Variants in TRDN observed in about 807,000 individuals in gnomAD.
The protein encoded by TRDN is triadin in skeletal muscle.
TRDN carries 161 observed loss-of-function variants against 149.7 expected under a neutral mutation model. The ratio of observed to expected loss-of-function variants is 1.08; its 90% CI spans 0.95 to 1.23. The LOEUF (loss-of-function observed/expected upper bound fraction) is 1.23. Among genes scored for constraint, TRDN ranks in the 50% most tolerant of loss-of-function variants. TRDN has a pLI of 0.00. For synonymous variants in TRDN, 294 were observed against 250.5 expected (o/e 1.17, Z -1.64); for missense variants, 896 against 823.5 (o/e 1.09, Z -1.08).
intron 1 of TRDN, among the ~76,000 whole-genome samples, chr6:123,606,675 C>G (rs904238668): frequency 2.6e-5 from 4 of 151,874 alleles, no homozygotes; most frequent in Admixed American, 1.3e-4. Context: ...ATTTAATAAC[C>G]CATTTTTAAT....
At chr6:123,542,663 A>C (rs537804214) in intron 4 of TRDN, among the ~76,000 whole-genome samples, 1 of 152,328 alleles carries the variant, frequency 6.6e-6, no homozygotes, top group Admixed American at 6.5e-5. Context: ...TAAAAGTGTT[A>C]ATACCAGTAT....
intron 1 of TRDN, among the ~76,000 whole-genome samples, chr6:123,610,265 C>A (rs923704326): frequency 2.0e-5 from 3 of 152,122 alleles, no homozygotes; most frequent in Non-Finnish European, 2.9e-5. Flanking sequence ...CATGGCTCAG[C>A]CATAGTAATG....
intron 22 of TRDN, among the ~76,000 whole-genome samples, chr6:123,332,203 G>T (rs1314456653): frequency 6.6e-6 from 1 of 151,950 alleles, no homozygotes. Flanking sequence ...GGATGGATAG[G>T]ACCTTATTTA....
chr6:123,350,036 C>T, intron 21 of TRDN: 1 of 984,868 alleles, frequency 1.0e-6, no homozygotes, highest in Non-Finnish European at 1.2e-6. Context: ...TAATTTAAGG[C>T]AAAGTTGAAT....
intron 10 of TRDN, chr6:123,462,907 T>C (rs1350575410): frequency 2.0e-5 from 3 of 152,152 alleles, no homozygotes; most frequent in Non-Finnish European, 4.4e-5. Flanking sequence ...CCTGATAATA[T>C]AGACTCCCCG....
chr6:123,347,606 T>C (rs988280623), intron 21 of TRDN, among the ~76,000 whole-genome samples: 4 of 152,118 alleles, frequency 2.6e-5, no homozygotes, highest in African/African-American at 9.7e-5. Context: ...TAAGGTATTT[T>C]CATTTTATAA....
chr6:123,336,988 A>C (rs1274691265), intron 22 of TRDN, among the ~76,000 whole-genome samples: 1 of 151,944 alleles, frequency 6.6e-6, no homozygotes, highest in Non-Finnish European at 1.5e-5. Flanking sequence ...CATTATTCTT[A>C]GGATCAGTTT....
intron 23 of TRDN, among the ~76,000 whole-genome samples, chr6:123,323,084 C>T (rs1779315636): frequency 6.6e-6 from 1 of 152,074 alleles, no homozygotes; most frequent in Admixed American, 6.6e-5. Flanking sequence ...AATTAAAATG[C>T]TGTTTCAAAA....
At chr6:123,553,036 C>T (rs530056043) in intron 2 of TRDN, among the ~76,000 whole-genome samples, 18 of 152,228 alleles carry the variant, frequency 1.2e-4, no homozygotes, top group South Asian at 1.0e-3. Flanking sequence ...GGATCTTATG[C>T]GTAATACATG....
intron 10 of TRDN, among the ~76,000 whole-genome samples, chr6:123,443,711 G>A (rs1207232375): frequency 6.6e-6 from 1 of 150,710 alleles, no homozygotes; most frequent in African/African-American, 2.5e-5. Context: ...GTGTAAGGAA[G>A]GCATCTAGTT....
chr6:123,537,942 C>G (rs1780633122), intron 4 of TRDN, among the ~76,000 whole-genome samples: 1 of 152,186 alleles, frequency 6.6e-6, no homozygotes, highest in South Asian at 2.1e-4. Context: ...CTAAGACTTA[C>G]ATGGCCAGTT....
intron 7 of TRDN, among the ~76,000 whole-genome samples, chr6:123,510,870 C>T (rs554558132): frequency 3.3e-5 from 5 of 152,102 alleles, no homozygotes; most frequent in African/African-American, 1.2e-4. Context: ...TTTTGAATTC[C>T]TGACCTCAAG....
Position 123,403,093 on chromosome 6 carries a change from G to A in TRDN, c.1052-9416C>T, listed in dbSNP as rs138428665. Among the ~76,000 whole-genome samples the A allele has an allele frequency of 1.2e-3, 183 of 152,218 alleles. 1 individual carries two copies. Among genetic ancestry groups the A allele is most frequent in the African/African-American group, 4.0e-3 (167 of 41,542 alleles). On this transcript the variant is annotated intron_variant, in intron 12 of 40. Coordinates refer to ENST00000334268, the MANE Select transcript of TRDN (RefSeq NM_006073.4). ...AAGAGCGTGAACAATTTTTCCCAGAGACAGATGAACAGAAGGCTTCAGACT... is the reference window on the plus strand; with the variant it reads ...AAGAGCGTGAACAATTTTTCCCAGAAACAGATGAACAGAAGGCTTCAGACT...
intron 1 of TRDN, among the ~76,000 whole-genome samples, chr6:123,625,795 A>C (rs2114725378): frequency 6.6e-6 from 1 of 152,298 alleles, no homozygotes; most frequent in South Asian, 2.1e-4. Flanking sequence ...CAATCATGTG[A>C]GCCTTCAGTG....
intron 23 of TRDN, among the ~76,000 whole-genome samples, chr6:123,321,998 T>C (rs1341128337): frequency 6.6e-6 from 1 of 152,188 alleles, no homozygotes. Context: ...TGCTACTACA[T>C]AGCTTTTCAT....
chr6:123,478,199 A>T (rs1261985850), intron 9 of TRDN, among the ~76,000 whole-genome samples: 2 of 152,190 alleles, frequency 1.3e-5, no homozygotes, highest in Admixed American at 6.5e-5. Flanking sequence ...GTTACCATAA[A>T]TGACTCATAA....
chr6:123,246,513 C>A (rs994335953), intron 38 of TRDN, among the ~76,000 whole-genome samples: 2 of 151,984 alleles, frequency 1.3e-5, no homozygotes, highest in African/African-American at 2.4e-5. Context: ...GACACATACA[C>A]CCTCCCAAGA....
intron 1 of TRDN, among the ~76,000 whole-genome samples, chr6:123,586,014 G>A (rs868136723): frequency 1.4e-4 from 21 of 152,124 alleles, no homozygotes; most frequent in South Asian, 6.2e-4. Flanking sequence ...AGAATAAGAC[G>A]GCCTTTTGAC....
intron 7 of TRDN, among the ~76,000 whole-genome samples, chr6:123,504,201 A>G (rs765973384): frequency 5.3e-5 from 8 of 152,094 alleles, no homozygotes; most frequent in Non-Finnish European, 1.0e-4. Flanking sequence ...ATAGTAACTT[A>G]GCATGTCAAC....
Sources: allele counts gnomAD v4.1 joint callset (sites outside exome capture counted in the v4.1 genomes callset), GRCh38; gene constraint gnomAD v4.1.1; transcripts MANE v1.5; gene names NCBI Gene and HGNC (gene_info 2026-07-23, HGNC 2026-07-21).